PTPRT: variants seen among roughly 807,000 people sequenced by gnomAD.
PTPRT encodes protein tyrosine phosphatase receptor type T.
PTPRT carries 56 observed loss-of-function variants against 176.8 expected under a neutral mutation model. That is an observed-to-expected ratio of 0.32 (90% confidence interval 0.26 to 0.40). The LOEUF (loss-of-function observed/expected upper bound fraction) is 0.40, where lower values mean the gene tolerates loss of function less well. Ranked by LOEUF, PTPRT falls within the 10% of genes least tolerant of loss-of-function variation. PTPRT has a pLI of 1.00. For synonymous variants in PTPRT, 783 were observed against 739.0 expected, an observed-to-expected ratio of 1.06 and a Z score of -0.96; for missense variants, 1,540 against 1,908.2, an observed-to-expected ratio of 0.81 and a Z score of 3.60.
At chr20:43,024,345 A>C (rs889443091) in intron 1 of PTPRT, among the ~76,000 whole-genome samples, 1 of 152,052 alleles carries the variant, frequency 6.6e-6, no homozygotes, top group African/African-American at 2.4e-5. Context: ...GGGGGTAAAA[A>C]AAAATGGCTC....
At chr20:42,367,663 G>A (rs2058533355) in intron 9 of PTPRT, among the ~76,000 whole-genome samples, 1 of 152,166 alleles carries the variant, frequency 6.6e-6, no homozygotes, top group Non-Finnish European at 1.5e-5. Flanking sequence ...GGTGATGCAG[G>A]GGTGAGACTG....
intron 13 of PTPRT, among the ~76,000 whole-genome samples, chr20:42,271,460 A>G (rs917753036): frequency 1.4e-4 from 22 of 152,142 alleles, no homozygotes; most frequent in Non-Finnish European, 2.8e-4. Flanking sequence ...TTATTGCAAT[A>G]TATCACTGTA....
chr20:42,566,554 C>A (rs1359193771), intron 7 of PTPRT, among the ~76,000 whole-genome samples: 4 of 152,190 alleles, frequency 2.6e-5, no homozygotes, highest in African/African-American at 9.7e-5. Context: ...CCAGGCCCTG[C>A]CCTAAAGTGC....
At chr20:42,365,101 A>G (rs2058495890) in intron 9 of PTPRT, among the ~76,000 whole-genome samples, 1 of 152,238 alleles carries the variant, frequency 6.6e-6, no homozygotes, top group Admixed American at 6.5e-5. Flanking sequence ...CTTTAACCCA[A>G]GGTATCCACA....
At chr20:42,574,242 A>G (rs145353922) in intron 7 of PTPRT, among the ~76,000 whole-genome samples, 3 of 152,302 alleles carry the variant, frequency 2.0e-5, no homozygotes, top group Non-Finnish European at 4.4e-5. Flanking sequence ...CAAATTCTTT[A>G]ACTGGCAATT....
intron 3 of PTPRT, among the ~76,000 whole-genome samples, chr20:42,789,227 T>C (rs1321003055): frequency 6.6e-6 from 1 of 152,230 alleles, no homozygotes; most frequent in Admixed American, 6.5e-5. Flanking sequence ...AATAATTGTT[T>C]AGATTGATTA....
chr20:43,117,616 C>T (rs2146353046), intron 1 of PTPRT, among the ~76,000 whole-genome samples: 1 of 152,248 alleles, frequency 6.6e-6, no homozygotes, highest in East Asian at 1.9e-4. Context: ...CAGAAACTCT[C>T]AGACATTCTG....
intron 17 of PTPRT, among the ~76,000 whole-genome samples, chr20:42,160,049 C>T (rs1268187055): frequency 1.3e-5 from 2 of 151,952 alleles, no homozygotes; most frequent in Non-Finnish European, 1.5e-5. Context: ...ATTAAGAATT[C>T]CAAATGTGTG....
intron 1 of PTPRT, among the ~76,000 whole-genome samples, chr20:42,982,052 G>A (rs1983313764): frequency 6.6e-6 from 1 of 152,146 alleles, no homozygotes; most frequent in South Asian, 2.1e-4. Context: ...AGATATGTGG[G>A]TTTCCTAACA....
chr20:42,102,520 G>A (rs1435681008), intron 25 of PTPRT, among the ~76,000 whole-genome samples: 1 of 152,048 alleles, frequency 6.6e-6, no homozygotes, highest in Non-Finnish European at 1.5e-5. Flanking sequence ...AAAACGCCAA[G>A]GCTGCAGAAG....
intron 10 of PTPRT, 71 bp from the exon 11 acceptor site, chr20:42,350,801 G>T: frequency 8.8e-7 from 1 of 1,141,818 alleles, no homozygotes; most frequent in Non-Finnish European, 1.3e-6. Flanking sequence ...GCCCCTTGCT[G>T]CCATCCTTAA....
intron 7 of PTPRT, among the ~76,000 whole-genome samples, chr20:42,659,964 T>G (rs1015433976): frequency 6.6e-6 from 1 of 152,114 alleles, no homozygotes; most frequent in Non-Finnish European, 1.5e-5. Context: ...GAGATGCTAT[T>G]TCACAGCTAT....
chr20:43,026,044 C>T (rs926324139), intron 1 of PTPRT, among the ~76,000 whole-genome samples: 1 of 152,114 alleles, frequency 6.6e-6, no homozygotes, highest in African/African-American at 2.4e-5. Context: ...GTGGCCCCCC[C>T]TCCAAAATTC....
intron 7 of PTPRT, among the ~76,000 whole-genome samples, chr20:42,633,972 A>AT (rs1324322532): frequency 1.0e-4 from 3 of 29,410 alleles, no homozygotes; most frequent in South Asian, 1.3e-3. Flanking sequence ...AATATATTAT[A>AT]ATATATTATA....
intron 6 of PTPRT, among the ~76,000 whole-genome samples, chr20:42,684,208 G>T (rs183772074): frequency 6.6e-6 from 1 of 152,034 alleles, no homozygotes; most frequent in South Asian, 2.1e-4. Flanking sequence ...AGCTGGGCAC[G>T]GTGGTAAGCA....
intron 1 of PTPRT, chr20:42,971,144 G>C (rs1055761454): frequency 6.6e-6 from 1 of 152,208 alleles, no homozygotes; most frequent in African/African-American, 2.4e-5. Context: ...CTTTAGGAGA[G>C]AGCCAAAGAT....
chr20:42,715,502 C>A (rs532657689), intron 6 of PTPRT, among the ~76,000 whole-genome samples: 15 of 152,066 alleles, frequency 9.9e-5, no homozygotes, highest in African/African-American at 2.9e-4. Flanking sequence ...TAAAAACTAC[C>A]ATATCTAAAA....
the PTPRT span, among the ~76,000 whole-genome samples, chr20:42,036,255 A>T: frequency 6.6e-6 from 1 of 152,204 alleles, no homozygotes; most frequent in African/African-American, 2.4e-5. Flanking sequence ...CTGAGTTAGG[A>T]CAAGTGGACA....
chr20:42,109,458 G>GACTT (rs576308134), intron 23 of PTPRT, among the ~76,000 whole-genome samples: 506 of 152,336 alleles, frequency 3.3e-3, no homozygotes, highest in Middle Eastern at 0.017. Context: ...TTCTCAATGT[G>GACTT]ACTTTCTAGG....
Sources: allele counts gnomAD v4.1 joint callset (sites outside exome capture counted in the v4.1 genomes callset), GRCh38; gene constraint gnomAD v4.1.1; transcripts MANE v1.5; gene names NCBI Gene and HGNC (gene_info 2026-07-23, HGNC 2026-07-21).